The following CDH8 variants were observed in gnomAD, a reference collection of about 807,000 sequenced individuals.
The protein encoded by CDH8 is cadherin 8, also known as cadherin-8.
A neutral mutation model predicts 68.1 loss-of-function variants in CDH8; 17 were observed. The ratio of observed to expected loss-of-function variants is 0.25; its 90% CI spans 0.17 to 0.37. The LOEUF (loss-of-function observed/expected upper bound fraction) is 0.37. CDH8 is among the 10% of genes least tolerant of loss of function. The probability of loss-of-function intolerance (pLI) is 1.00; values close to 1 mark genes in which losing one functional copy is unlikely to be tolerated. For missense variants in CDH8, 763 were observed against 999.3 expected, an observed-to-expected ratio of 0.76 and a Z score of 3.19; for synonymous variants, 372 against 365.1, an observed-to-expected ratio of 1.02 and a Z score of -0.21.
chr16:61,688,513 T>C (rs1046585790), intron 10 of CDH8, among the ~76,000 whole-genome samples: 6 of 151,902 alleles, frequency 3.9e-5, no homozygotes, highest in African/African-American at 1.4e-4. Context: ...TGTTGAGTAT[T>C]TGGAAGAAAT....
intron 4 of CDH8, among the ~76,000 whole-genome samples, chr16:61,837,027 T>C (rs550665286): frequency 2.4e-4 from 36 of 152,078 alleles, no homozygotes; most frequent in African/African-American, 8.7e-4. Context: ...ATTCCACAAG[T>C]CCTGTTTTTG....
intron 4 of CDH8, among the ~76,000 whole-genome samples, chr16:61,838,562 G>C (rs998808150): frequency 3.3e-5 from 5 of 152,082 alleles, no homozygotes; most frequent in East Asian, 3.9e-4. Flanking sequence ...TACAGAACCT[G>C]AGGTTAATTT....
chr16:61,869,971 A>C lies in CDH8; in HGVS notation c.548-12733T>G, dbSNP rs575785061. Reference sequence around the variant, plus strand: ...CTGTGCCTTTCCAACTATATTTTACAACAGCTGCGACATTTTTCTTTTTAA... The same window carrying C: ...CTGTGCCTTTCCAACTATATTTTACCACAGCTGCGACATTTTTCTTTTTAA... On this transcript the variant is annotated intron_variant, in intron 3 of 11. Transcript: ENST00000577390. 6.6e-5 allele frequency among the ~76,000 whole-genome samples: 10 copies of C among 152,326 alleles called. No homozygotes were observed. The South Asian group carries it at 1.4e-3, about 22-fold the overall frequency.
chr16:61,713,033 G>T (rs1413028222), intron 10 of CDH8, among the ~76,000 whole-genome samples: 2 of 151,490 alleles, frequency 1.3e-5, no homozygotes, highest in Admixed American at 6.6e-5. Context: ...CCAGAAAAAA[G>T]CCTGAGACAT....
intron 8 of CDH8, among the ~76,000 whole-genome samples, chr16:61,731,292 C>T (rs1040867511): frequency 4.0e-5 from 6 of 151,630 alleles, no homozygotes; most frequent in Non-Finnish European, 8.9e-5. Flanking sequence ...ATAGAGTCAG[C>T]TGAAATGAGC....
chr16:61,816,843 G>A (rs1962087073), intron 7 of CDH8, among the ~76,000 whole-genome samples: 1 of 152,036 alleles, frequency 6.6e-6, no homozygotes, highest in Non-Finnish European at 1.5e-5. Context: ...GCATCCTGGG[G>A]AAAAATTTTG....
At chr16:62,016,854 G>A (rs189959309) in intron 2 of CDH8, among the ~76,000 whole-genome samples, 203 of 152,272 alleles carry the variant, frequency 1.3e-3, no homozygotes, top group African/African-American at 4.5e-3. Flanking sequence ...TTATGACAGT[G>A]GTAAGAAAGA....
chr16:62,006,872 C>A (rs1366450257), intron 2 of CDH8, among the ~76,000 whole-genome samples: 1 of 150,026 alleles, frequency 6.7e-6, no homozygotes, highest in Non-Finnish European at 1.5e-5. Context: ...TTTAAAATAT[C>A]TTTTGCCAAT....
chr16:61,937,976 A>T (rs1205923674), intron 2 of CDH8: 1 of 152,142 alleles, frequency 6.6e-6, no homozygotes, highest in Admixed American at 6.5e-5. Context: ...AGGAGATGAT[A>T]CTCTGTAAGT....
intron 1 of CDH8, 81 bp from the exon 2 acceptor site, chr16:62,021,683 G>T: frequency 1.4e-6 from 1 of 719,322 alleles, no homozygotes; most frequent in Non-Finnish European, 2.0e-6. Flanking sequence ...AAAAGCACCT[G>T]AAGTGAACAA....
intron 2 of CDH8, among the ~76,000 whole-genome samples, chr16:61,961,955 C>CT (rs1965162597): frequency 6.6e-6 from 1 of 152,162 alleles, no homozygotes; most frequent in Non-Finnish European, 1.5e-5. Flanking sequence ...CTTCTGTGTA[C>CT]TGATAATGTA....
At chr16:61,901,037 G>A in intron 3 of CDH8, 142 bp downstream of exon 3, 1 of 735,088 alleles carries the variant, frequency 1.4e-6, no homozygotes, top group Non-Finnish European at 2.2e-6. Context: ...GTGGAACTTA[G>A]GCCAAAAAGG....
At chr16:61,967,043 G>GA (rs919343304) in intron 2 of CDH8, among the ~76,000 whole-genome samples, 7 of 150,914 alleles carry the variant, frequency 4.6e-5, no homozygotes, top group Non-Finnish European at 5.9e-5. Flanking sequence ...CTCTCTAGAA[G>GA]AAAAAAAAAT....
chr16:61,900,327 T>C (rs904807655), intron 3 of CDH8, among the ~76,000 whole-genome samples: 2 of 152,164 alleles, frequency 1.3e-5, no homozygotes, highest in Non-Finnish European at 1.5e-5. Context: ...CTGTCTTAAA[T>C]GCAACTTGAA....
At chr16:61,922,165 G>A (rs1322381888) in intron 2 of CDH8, among the ~76,000 whole-genome samples, 2 of 152,102 alleles carry the variant, frequency 1.3e-5, no homozygotes, top group East Asian at 3.9e-4. Context: ...AATAATTTAG[G>A]ACAGATTTTC....
rs924299872 is a variant in CDH8 at position 61,652,905 on chromosome 16, A to C, written c.*703T>G. The stretch of plus-strand genomic sequence containing the variant: ...GGAACGAGGAATCCTGCTTCTAGAA[A>C]ACAAGCATGTTTGAATGGGATTTCT... On this transcript the variant is annotated 3_prime_UTR_variant, in exon 12 of 12. Coordinates refer to ENST00000577390, the MANE Select transcript of CDH8 (RefSeq NM_001796.5). 3.9e-6 allele frequency: 6 copies of C among 1,526,200 alleles called. No homozygotes were observed. The highest frequency in any genetic ancestry group is 5.3e-6 in the Non-Finnish European group (6 of 1,142,208). 94.5% of individuals were successfully genotyped at this position (1,526,200 alleles called of 1,614,324 possible).
chr16:61,958,726 A>C (rs1965027075), intron 2 of CDH8, among the ~76,000 whole-genome samples: 1 of 152,192 alleles, frequency 6.6e-6, no homozygotes, highest in Admixed American at 6.5e-5. Flanking sequence ...AGTGTCATAT[A>C]ATACTCAATA....
At chr16:61,851,764 G>A (rs1962943220) in intron 4 of CDH8, among the ~76,000 whole-genome samples, 2 of 152,066 alleles carry the variant, frequency 1.3e-5, no homozygotes, top group Admixed American at 1.3e-4. Context: ...AATTACTACT[G>A]CCTTCCATTT....
chr16:61,649,305 C>T lies in CDH8; in HGVS notation c.*4303G>A, dbSNP rs1392664741. 6.6e-6 allele frequency: 1 copy of T among 151,686 alleles called. No individual in the cohort carries two copies. The highest frequency in any genetic ancestry group is 2.4e-5 in the African/African-American group (1 of 41,320). 9.4% of individuals were successfully genotyped at this position (151,686 alleles called of 1,614,324 possible). On this transcript the variant is annotated 3_prime_UTR_variant, in exon 12 of 12. Transcript: ENST00000577390. The stretch of plus-strand genomic sequence containing the variant: ...CTTCTTTCAAATTCAAGGTTAGATT[C>T]ATGAAAACAGAGAGCCACAATTTCA...
Sources: gnomAD v4.1 joint callset for allele counts (sites outside exome capture counted in the v4.1 genomes callset) on GRCh38, gnomAD v4.1.1 for gene constraint, MANE v1.5 for transcripts, NCBI Gene and HGNC (gene_info 2026-07-23, HGNC 2026-07-21) for gene names.